SDK1: variants seen among roughly 807,000 people sequenced by gnomAD.
SDK1 encodes the protein protein sidekick-1.
SDK1 carries 157 observed loss-of-function variants against 245.5 expected under a neutral mutation model. The observed-to-expected ratio is 0.64, with a 90% confidence interval of 0.56 to 0.73. The LOEUF (loss-of-function observed/expected upper bound fraction) is 0.73, where lower values mean the gene tolerates loss of function less well. SDK1 is among the 30% of genes least tolerant of loss of function. SDK1 has a pLI of 0.00. For synonymous variants in SDK1, 1,647 were observed against 1,278.5 expected (o/e 1.29, Z -6.15); for missense variants, 3,583 against 3,002.3 (o/e 1.19, Z -4.52).
At chr7:3,797,640 T>C (rs915115366) in intron 4 of SDK1, among the ~76,000 whole-genome samples, 2 of 152,116 alleles carry the variant, frequency 1.3e-5, no homozygotes. Context: ...TCTCCCATGC[T>C]ATGTATGTCA....
At chr7:3,398,637 A>G (rs907710287) in intron 1 of SDK1, among the ~76,000 whole-genome samples, 2 of 149,484 alleles carry the variant, frequency 1.3e-5, no homozygotes, top group Non-Finnish European at 2.9e-5. Flanking sequence ...CACATGATTT[A>G]TTTATTATTT....
chr7:3,899,871 C>G (rs79803139), intron 5 of SDK1, among the ~76,000 whole-genome samples: 6 of 152,350 alleles, frequency 3.9e-5, no homozygotes, highest in Non-Finnish European at 7.3e-5. Flanking sequence ...CCCTGCTTCC[C>G]GGACCTGGCA....
intron 1 of SDK1, among the ~76,000 whole-genome samples, chr7:3,304,436 C>T (rs1421620331): frequency 6.6e-6 from 1 of 152,174 alleles, no homozygotes; most frequent in African/African-American, 2.4e-5. Flanking sequence ...AGCTTTACTG[C>T]TGGACTCTTT....
chr7:4,153,651 A>G (rs1237357038), intron 30 of SDK1, among the ~76,000 whole-genome samples: 2 of 152,124 alleles, frequency 1.3e-5, no homozygotes, highest in African/African-American at 4.8e-5. Flanking sequence ...ATTCTTTGTG[A>G]TACAATAGTG....
In SDK1 at chr7:3,552,069, C is replaced by T. The variant is rs555988033; in HGVS notation, c.299-67011C>T. 4.6e-5 allele frequency among the ~76,000 whole-genome samples: 7 copies of T among 151,886 alleles called. No individual in the cohort carries two copies. In the East Asian group the frequency reaches 9.7e-4, roughly 21 times the overall value. Reference sequence around the variant, plus strand: ...TTCTTTTTTTTTTGAGCCGGAGCCTCGCTCTGTCGCCCAGGCTGGAGTGCG... The same window carrying T: ...TTCTTTTTTTTTTGAGCCGGAGCCTTGCTCTGTCGCCCAGGCTGGAGTGCG... On this transcript the variant is annotated intron_variant, in intron 1 of 44. Coordinates refer to ENST00000404826, the MANE Select transcript of SDK1 (RefSeq NM_152744.4).
rs1414068580 is a variant in SDK1 at position 4,233,368 on chromosome 7, G to T, written c.5941G>T (p.Val1981Leu). The T allele has an allele frequency of 6.2e-7, 1 of 1,613,670 alleles. No individual in the cohort carries two copies. The highest frequency in any genetic ancestry group is 8.5e-7 in the Non-Finnish European group (1 of 1,180,052). The change falls in exon 41 of 45, where the codon GTG becomes TTG. Residue 1981 changes from valine (V) to leucine (L), a missense_variant. Coordinates refer to ENST00000404826, the MANE Select transcript of SDK1 (RefSeq NM_152744.4). ...GACTTACGAGTTCCGGGTGGTGGCT[G>T]TGAATGAGGCGGGCTACGGGGAGCC... ...GVTYEFRVVA[V>L]NEAGYGEPSN...
At chr7:3,412,277 A>G (rs1779231657) in intron 1 of SDK1, among the ~76,000 whole-genome samples, 1 of 152,182 alleles carries the variant, frequency 6.6e-6, no homozygotes, top group Non-Finnish European at 1.5e-5. Flanking sequence ...GTCACTGTGC[A>G]TAATTACATA....
chr7:3,499,913 G>A (rs1004347450), intron 1 of SDK1, among the ~76,000 whole-genome samples: 6 of 152,328 alleles, frequency 3.9e-5, no homozygotes, highest in African/African-American at 1.4e-4. Context: ...GTAGATCAAA[G>A]TGGGCCATTA....
At chr7:3,337,403 G>T (rs192294041) in intron 1 of SDK1, among the ~76,000 whole-genome samples, 1 of 151,870 alleles carries the variant, frequency 6.6e-6, no homozygotes, top group African/African-American at 2.4e-5. Flanking sequence ...CTGGAGTGAT[G>T]ATAAAAGAGA....
intron 12 of SDK1, 70 bp downstream of exon 12, chr7:3,971,638 TGAG>T: frequency 1.7e-6 from 2 of 1,164,854 alleles, no homozygotes; most frequent in East Asian, 2.5e-5. Flanking sequence ...GAAGTTGAGA[TGAG>T]GAGGAAGAAT....
intron 21 of SDK1, among the ~76,000 whole-genome samples, chr7:4,078,467 C>A (rs146536923): frequency 6.6e-6 from 1 of 152,024 alleles, no homozygotes; most frequent in Non-Finnish European, 1.5e-5. Context: ...TCCTACAGAC[C>A]CTGCCCATGC....
intron 35 of SDK1, among the ~76,000 whole-genome samples, chr7:4,195,370 C>T (rs959383060): frequency 6.6e-6 from 1 of 151,498 alleles, no homozygotes; most frequent in Non-Finnish European, 1.5e-5. Flanking sequence ...GTTTCCAGAA[C>T]ACTCTGCCCT....
At chr7:3,384,885 C>G (rs923773542) in intron 1 of SDK1, among the ~76,000 whole-genome samples, 3 of 152,142 alleles carry the variant, frequency 2.0e-5, no homozygotes, top group African/African-American at 2.4e-5. Flanking sequence ...ATAGTGAAAT[C>G]AGAAAATAAT....
Position 3,913,493 on chromosome 7 carries a change from C to G in SDK1, c.848-37430C>G, listed in dbSNP as rs145468984. Among the ~76,000 whole-genome samples, 717 of 152,158 alleles carry G rather than the reference C, an allele frequency of 4.7e-3. 4 individuals are homozygous for G. Among genetic ancestry groups the G allele is most frequent in the African/African-American group, 0.016 (682 of 41,522 alleles). On this transcript the variant is annotated intron_variant, in intron 5 of 44. Transcript: ENST00000404826. ...TATTTTTGGTAGAGATGGGGTTTCA[C>G]TATGTTAGCCAGGATGGTCTCGATC...
At chr7:3,598,696 A>G (rs1241032439) in intron 1 of SDK1, among the ~76,000 whole-genome samples, 1 of 152,206 alleles carries the variant, frequency 6.6e-6, no homozygotes, top group Non-Finnish European at 1.5e-5. Flanking sequence ...AATATTATAT[A>G]AAAGGAATCA....
intron 1 of SDK1, among the ~76,000 whole-genome samples, chr7:3,461,538 C>G (rs547357635): frequency 6.6e-6 from 1 of 152,098 alleles, no homozygotes; most frequent in East Asian, 1.9e-4. Flanking sequence ...TGTGGAGTGG[C>G]GTGAGGGCCG....
intron 5 of SDK1, among the ~76,000 whole-genome samples, chr7:3,926,340 A>G (rs965622487): frequency 6.6e-6 from 1 of 152,228 alleles, no homozygotes; most frequent in African/African-American, 2.4e-5. Flanking sequence ...AGTGTCTGGC[A>G]TACAGTAGGC....
At chr7:3,675,904 C>T (rs1783878130) in intron 4 of SDK1, among the ~76,000 whole-genome samples, 1 of 152,156 alleles carries the variant, frequency 6.6e-6, no homozygotes, top group Non-Finnish European at 1.5e-5. Context: ...ATTTATCTAA[C>T]TTCCTTTTAT....
At chr7:3,987,422 C>G (rs889819549) in intron 14 of SDK1, 100 bp downstream of exon 14, 5 of 1,242,396 alleles carry the variant, frequency 4.0e-6, no homozygotes, top group Non-Finnish European at 5.8e-6. Flanking sequence ...CCCAAAACAA[C>G]TACTAAAATG....
Sources: allele counts gnomAD v4.1 joint callset (sites outside exome capture counted in the v4.1 genomes callset), GRCh38; gene constraint gnomAD v4.1.1; transcripts MANE v1.5; gene names NCBI Gene and HGNC (gene_info 2026-07-23, HGNC 2026-07-21).